FERMT1: variants seen among roughly 807,000 people sequenced by gnomAD.
The protein encoded by FERMT1 is FERM domain containing kindlin 1.
A neutral mutation model predicts 85.3 loss-of-function variants in FERMT1; 60 were observed. The ratio of observed to expected loss-of-function variants is 0.70; its 90% CI spans 0.57 to 0.87. The LOEUF is 0.87. FERMT1 is among the 40% of genes least tolerant of loss of function. The probability of loss-of-function intolerance (pLI) is 0.00; values close to 1 mark genes in which losing one functional copy is unlikely to be tolerated. For synonymous variants in FERMT1, 275 were observed against 301.1 expected (o/e 0.91, Z 0.90); for missense variants, 701 against 818.9 (o/e 0.86, Z 1.76).
chr20:6,116,045 C>A lies in FERMT1; in HGVS notation c.152-1G>T. On this transcript the variant is annotated splice_acceptor_variant, in intron 2 of 14. Transcript: ENST00000217289. LOFTEE classifies it high-confidence loss of function. ...AAGTCTGACCAGTCTTGGGATATATCTGCAAAAATGAAAGCACAATTAAGT... is the reference window on the plus strand; with the variant it reads ...AAGTCTGACCAGTCTTGGGATATATATGCAAAAATGAAAGCACAATTAAGT... 6.2e-7 allele frequency: 1 copy of A among 1,610,350 alleles called. No homozygotes were observed. Among genetic ancestry groups the A allele is most frequent in the Non-Finnish European group, 8.5e-7 (1 of 1,176,812 alleles).
At position 6,119,505 on chromosome 20, in the gene FERMT1, C is replaced by T. The variant is rs369858160; in HGVS notation, c.50G>A (p.Arg17His). Reference protein sequence around the residue: ...FTFASWELVVRVDHPNEEQQK... With the variant: ...FTFASWELVVHVDHPNEEQQK... ...CTGCTCTTCATTGGGATGGTCAACG[C>T]GGACCACAAGCTCCCAGGAAGCAAA... is the stretch of plus-strand genomic sequence containing the variant. Residue 17 changes from arginine to histidine, a missense_variant, in exon 2 of 15, where the codon CGC becomes CAC. Physicochemically the swap from Arg to His is conservative, Grantham distance 29 (BLOSUM62 0). Coordinates refer to ENST00000217289, the MANE Select transcript of FERMT1 (RefSeq NM_017671.5). 5.7e-5 allele frequency: 92 copies of T among 1,614,170 alleles called. No individual in the cohort carries two copies. The highest frequency in any genetic ancestry group is 9.9e-5 in the South Asian group (9 of 91,082).
In FERMT1 at chr20:6,076,942, C is replaced by T. The variant is rs893911859; in HGVS notation, c.*231G>A. On this transcript the variant is annotated 3_prime_UTR_variant, in exon 15 of 15. Coordinates refer to ENST00000217289, the MANE Select transcript of FERMT1 (RefSeq NM_017671.5). ...CTTAGGGCACCTGCTTTTCTCCTGC[C>T]TACCCATTTTATAGAAAAAACAAGA... 13 of 568,138 alleles carry T rather than the reference C, an allele frequency of 2.3e-5. No individual in the cohort carries two copies. The African/African-American group carries it at 2.4e-4, about 11-fold the overall frequency. 35.2% of individuals were successfully genotyped at this position (568,138 alleles called of 1,614,324 possible).
rs374725099 is a variant in FERMT1, at chr20:6,085,051, C to T, written c.1593+15G>A. ...AATTTACTGCAAACAATTGCCCTAACAAGATTAACAGTACCTGTTTGGATT... is the reference window on the plus strand; with the variant it reads ...AATTTACTGCAAACAATTGCCCTAATAAGATTAACAGTACCTGTTTGGATT... On this transcript the variant is annotated intron_variant, in intron 12 of 14. Coordinates refer to ENST00000217289, the MANE Select transcript of FERMT1 (RefSeq NM_017671.5). 1.1e-5 allele frequency: 17 copies of T among 1,603,188 alleles called. No individual in the cohort carries two copies. The highest frequency in any genetic ancestry group is 1.4e-5 in the Non-Finnish European group (16 of 1,170,156).
At chr20:6,087,977 C>A in intron 10 of FERMT1, 94 bp from the exon 11 acceptor site, 1 of 786,526 alleles carries the variant, frequency 1.3e-6, no homozygotes, top group South Asian at 1.4e-5. Context: ...TGAATACAAG[C>A]CCCTCAGATT....
Position 6,085,619 on chromosome 20 carries a change from G to A in FERMT1, c.1372-332C>T, listed in dbSNP as rs556042701. 1.3e-4 allele frequency among the ~76,000 whole-genome samples: 20 copies of A among 152,308 alleles called. 1 individual carries two copies. Among genetic ancestry groups the A allele is most frequent in the South Asian group, 8.3e-4 (4 of 4,822 alleles). On this transcript the variant is annotated intron_variant, in intron 11 of 14. Transcript: ENST00000217289. Reference sequence around the variant, plus strand: ...TCATCCTCAACTTTGGGAGGTTGAGGTGGGTGGGTCACCTGAGGTCAGGAG... The same window carrying A: ...TCATCCTCAACTTTGGGAGGTTGAGATGGGTGGGTCACCTGAGGTCAGGAG...
intron 13 of FERMT1, among the ~76,000 whole-genome samples, chr20:6,081,683 T>G (rs6053888): frequency 0.22 from 32,883 of 151,976 alleles, 4,411 homozygotes; most frequent in African/African-American, 0.38. Flanking sequence ...TTACTGCAAA[T>G]TAGGGCAGAG....
intron 13 of FERMT1, among the ~76,000 whole-genome samples, chr20:6,080,833 C>T (rs6038348): frequency 0.052 from 7,921 of 152,236 alleles, 443 homozygotes; most frequent in African/African-American, 0.14. Context: ...AGATGAGATG[C>T]TCATTAGATA....
chr20:6,113,187 C>G lies in FERMT1; in HGVS notation c.386-564G>C, dbSNP rs144590437. Reference sequence around the variant, plus strand: ...TATAGGGTGTTTCCCCGCACAAGCTCTCTCTTTGCCTGCTGCCATCCATGT... The same window carrying G: ...TATAGGGTGTTTCCCCGCACAAGCTGTCTCTTTGCCTGCTGCCATCCATGT... On this transcript the variant is annotated intron_variant, in intron 3 of 14. Coordinates refer to ENST00000217289, the MANE Select transcript of FERMT1 (RefSeq NM_017671.5). Among the ~76,000 whole-genome samples, 488 of 152,304 alleles carry G rather than the reference C, an allele frequency of 3.2e-3. 2 individuals are homozygous for G. The highest frequency in any genetic ancestry group is 9.4e-3 in the African/African-American group (389 of 41,546).
At chr20:6,111,914 G>A (rs1468696675) in intron 4 of FERMT1, among the ~76,000 whole-genome samples, 3 of 150,682 alleles carry the variant, frequency 2.0e-5, no homozygotes, top group Non-Finnish European at 3.0e-5. Flanking sequence ...CCCAGCCTGA[G>A]TGCAGTGGCA....
At position 6,116,002 on chromosome 20, in the gene FERMT1, T is replaced by C. The variant is rs1983087393; in HGVS notation, c.194A>G (p.Gln65Arg). ...GGTTTTCAGAAGCCAGCAATGCTTC[T>C]GTTCCCACCAAAGAGCAAAGTCTGA... ...DWSDFALWWE[Q>R]KHCWLLKTHW... The change falls in exon 3 of 15, where the codon CAG becomes CGG. Residue 65 changes from glutamine to arginine, a missense_variant. Coordinates refer to ENST00000217289, the MANE Select transcript of FERMT1 (RefSeq NM_017671.5). The C allele has an allele frequency of 2.5e-6, 4 of 1,614,100 alleles. No individual in the cohort carries two copies. Among genetic ancestry groups the C allele is most frequent in the Non-Finnish European group, 8.5e-7 (1 of 1,180,042 alleles).
At chr20:6,102,031 G>A (rs750839824) in intron 6 of FERMT1, among the ~76,000 whole-genome samples, 32 of 151,924 alleles carry the variant, frequency 2.1e-4, no homozygotes, top group Admixed American at 5.9e-4. Flanking sequence ...TTAACCATCC[G>A]CCTACTGTTT....
In FERMT1 at chr20:6,075,617, G is replaced by A. The variant is rs576200282; in HGVS notation, c.*1556C>T. 6.6e-6 allele frequency: 1 copy of A among 152,384 alleles called. No homozygotes were observed. Among genetic ancestry groups the A allele is most frequent in the African/African-American group, 2.4e-5 (1 of 41,536 alleles). The allele number at this position is 152,384 out of a possible 1,614,324, so 9.4% of individuals were successfully genotyped here. On this transcript the variant is annotated 3_prime_UTR_variant, in exon 15 of 15. Transcript: ENST00000217289. ...CTGGCTCAGAACCAGGGGGTCCCTT[G>A]CCAAGTCTGTCTCTATGTGGCTCCC...
At chr20:6,081,987 C>T (rs1391279735) in intron 13 of FERMT1, among the ~76,000 whole-genome samples, 1 of 152,180 alleles carries the variant, frequency 6.6e-6, no homozygotes, top group Non-Finnish European at 1.5e-5. Flanking sequence ...TGCTCTCCAT[C>T]ATCCAGGGAG....
chr20:6,089,980 C>A (rs1411098197), intron 9 of FERMT1, among the ~76,000 whole-genome samples: 1 of 152,160 alleles, frequency 6.6e-6, no homozygotes, highest in Non-Finnish European at 1.5e-5. Context: ...CAGGGTATCT[C>A]ATGCCAGAGG....
intron 6 of FERMT1, among the ~76,000 whole-genome samples, chr20:6,106,043 G>T (rs1982786973): frequency 6.6e-6 from 1 of 152,038 alleles, no homozygotes; most frequent in Admixed American, 6.6e-5. Flanking sequence ...GTTTTAGCAG[G>T]CAATGAAAAA....
chr20:6,097,816 T>C (rs557214970), intron 6 of FERMT1, among the ~76,000 whole-genome samples, 185 bp from the exon 7 acceptor site: 2 of 151,878 alleles, frequency 1.3e-5, no homozygotes, highest in African/African-American at 2.4e-5. Flanking sequence ...TTTTTTTTTT[T>C]AATTTTTTAT....
chr20:6,122,487 C>T (rs1352193144), intron 1 of FERMT1, among the ~76,000 whole-genome samples: 1 of 152,204 alleles, frequency 6.6e-6, no homozygotes, highest in Non-Finnish European at 1.5e-5. Flanking sequence ...GGCCACCCGA[C>T]CTGTCTTTTG....
intron 2 of FERMT1, among the ~76,000 whole-genome samples, chr20:6,117,745 C>T (rs534105131): frequency 2.0e-5 from 3 of 150,250 alleles, no homozygotes; most frequent in African/African-American, 7.4e-5. Flanking sequence ...TGGGGTTTTA[C>T]CATGTTGGCC....
At chr20:6,106,216 A>C (rs1232162428) in intron 6 of FERMT1, among the ~76,000 whole-genome samples, 2 of 152,206 alleles carry the variant, frequency 1.3e-5, no homozygotes, top group East Asian at 3.8e-4. Flanking sequence ...TATGCATTCC[A>C]GACACAAGCT....
Sources: allele counts gnomAD v4.1 joint callset (sites outside exome capture counted in the v4.1 genomes callset), GRCh38; gene constraint gnomAD v4.1.1; transcripts MANE v1.5; gene names NCBI Gene and HGNC (gene_info 2026-07-23, HGNC 2026-07-21).